The following RYR2 variants were observed in gnomAD, a reference collection of about 807,000 sequenced individuals.
The protein encoded by RYR2 is cardiac muscle ryanodine receptor-calcium release channel.
RYR2 carries 227 observed loss-of-function variants against 601.1 expected under a neutral mutation model. The observed-to-expected ratio is 0.38, with a 90% confidence interval of 0.34 to 0.42. The LOEUF (loss-of-function observed/expected upper bound fraction) is 0.42. Ranked by LOEUF, RYR2 falls within the 10% of genes least tolerant of loss-of-function variation. The probability of loss-of-function intolerance (pLI) is 1.00; values close to 1 mark genes in which losing one functional copy is unlikely to be tolerated. For missense variants in RYR2, 4,646 were observed against 6,156.5 expected (o/e 0.75, Z 8.21); for synonymous variants, 2,223 against 2,175.1 (o/e 1.02, Z -0.61).
Position 237,541,003 on chromosome 1 carries a change from AT to A in RYR2, c.2907-7427del, listed in dbSNP as rs143603924. The stretch of plus-strand genomic sequence containing the variant: ...TATTAGATACTGAATGTGTACCCGT[AT>A]GTATACTGTTTACATAGACACAAGC... On this transcript the variant is annotated intron_variant, in intron 25 of 104. Coordinates refer to ENST00000366574, the MANE Select transcript of RYR2 (RefSeq NM_001035.3). Among the ~76,000 whole-genome samples, 657 of 152,298 alleles carry A rather than the reference AT, an allele frequency of 4.3e-3. 5 individuals carry two copies. Among genetic ancestry groups the A allele is most frequent in the African/African-American group, 0.015 (614 of 41,568 alleles).
rs779790195 is a variant in RYR2 at position 237,417,169 on chromosome 1, A to G, written c.848+46A>G. On this transcript the variant is annotated intron_variant, in intron 11 of 104. Transcript: ENST00000366574. Reference sequence around the variant, plus strand: ...CAGCCTAATGCACCAAGTGTACCAAATAGCTCAGCGTTGTGCTTCTGTGTC... The same window carrying G: ...CAGCCTAATGCACCAAGTGTACCAAGTAGCTCAGCGTTGTGCTTCTGTGTC... 5 of 1,444,528 alleles carry G rather than the reference A, an allele frequency of 3.5e-6. No homozygotes were observed. The East Asian group carries it at 1.1e-4, about 33-fold the overall frequency. 89.5% of individuals were successfully genotyped at this position (1,444,528 alleles called of 1,614,324 possible).
chr1:237,681,593 G>A lies in RYR2; in HGVS notation c.9017+1016G>A, dbSNP rs185568223. Among the ~76,000 whole-genome samples the A allele has an allele frequency of 1.3e-3, 192 of 152,286 alleles. 1 individual carries two copies. Among genetic ancestry groups the A allele is most frequent in the African/African-American group, 4.3e-3 (178 of 41,556 alleles). ...CAAATGATAATTTTCCTATAAAATTGATTATAGTTAAAATAACAGCAGGAA... is the reference window on the plus strand; with the variant it reads ...CAAATGATAATTTTCCTATAAAATTAATTATAGTTAAAATAACAGCAGGAA... On this transcript the variant is annotated intron_variant, in intron 62 of 104. Transcript: ENST00000366574.
intron 24 of RYR2, among the ~76,000 whole-genome samples, chr1:237,518,120 C>T (rs550598056): frequency 6.6e-6 from 1 of 152,084 alleles, no homozygotes; most frequent in Non-Finnish European, 1.5e-5. Flanking sequence ...TTACTATCAC[C>T]ACATCATCAA....
chr1:237,799,097 A>ACTT (rs763548604), intron 97 of RYR2, among the ~76,000 whole-genome samples: 1 of 152,184 alleles, frequency 6.6e-6, no homozygotes, highest in African/African-American at 2.4e-5. Context: ...CTATCTGAAA[A>ACTT]CTTATTAAGG....
Position 237,569,172 on chromosome 1 carries a change from C to T in RYR2, c.3451C>T (p.His1151Tyr), listed in dbSNP as rs1295668825. Residue 1151 changes from histidine (H) to tyrosine (Y), a missense_variant, in exon 29 of 105, where the codon CAC becomes TAC. Around this residue, in one of 17 missense-constraint regions of RYR2, gnomAD observed 1,807 missense variants for 2,088.1 expected, o/e 0.87. Transcript: ENST00000366574. ...CCAGCGGTGGCATCAGGGCAATGAA[C>T]ACTATGGGCGCTCTTGGCAAGCAGG... ...KAQRWHQGNEHYGRSWQAGDV... is the reference protein window; with the variant it reads ...KAQRWHQGNEYYGRSWQAGDV... 1 of 1,613,672 alleles carries T rather than the reference C, an allele frequency of 6.2e-7. No individual in the cohort carries two copies. The highest frequency in any genetic ancestry group is 2.2e-5 in the East Asian group (1 of 44,866).
At position 237,456,752 on chromosome 1, in the gene RYR2, G is replaced by T. The variant is rs772085271; in HGVS notation, c.1612+17G>T. On this transcript the variant is annotated intron_variant, in intron 16 of 104. Coordinates refer to ENST00000366574, the MANE Select transcript of RYR2 (RefSeq NM_001035.3). ...AGTTGCTGGGTAAGAAGCATGATTG[G>T]GTTCATAGCAACAGAGTTATCTATT... The T allele has an allele frequency of 3.7e-6, 6 of 1,612,342 alleles. No individual in the cohort carries two copies. Among genetic ancestry groups the T allele is most frequent in the Non-Finnish European group, 4.2e-6 (5 of 1,179,072 alleles).
chr1:237,341,585 G>A (rs945576626), intron 3 of RYR2: 2 of 502,904 alleles, frequency 4.0e-6, no homozygotes, highest in Non-Finnish European at 4.0e-6. Flanking sequence ...AGGTCTTTGG[G>A]TCTGTGGTAT....
intron 2 of RYR2, among the ~76,000 whole-genome samples, chr1:237,295,218 T>C (rs1472694795): frequency 1.3e-5 from 2 of 151,604 alleles, no homozygotes; most frequent in Non-Finnish European, 2.9e-5. Context: ...AGAAAGACCC[T>C]GTCTCCAAAA....
chr1:237,281,545 C>T (rs971181146), intron 2 of RYR2, among the ~76,000 whole-genome samples: 3 of 152,228 alleles, frequency 2.0e-5, no homozygotes, highest in Non-Finnish European at 4.4e-5. Flanking sequence ...AAAAGATTGG[C>T]AGATATTTTA....
At chr1:237,308,542 T>C (rs1421719185) in intron 2 of RYR2, among the ~76,000 whole-genome samples, 1 of 152,066 alleles carries the variant, frequency 6.6e-6, no homozygotes, top group African/African-American at 2.4e-5. Context: ...CCGCGGACCC[T>C]TGCGGTGAGT....
At chr1:237,831,698 G>A (rs543009633) in intron 104 of RYR2, 133 bp downstream of exon 104, 7 of 609,024 alleles carry the variant, frequency 1.1e-5, no homozygotes, top group African/African-American at 9.6e-5. Context: ...TTGATGTAAA[G>A]TTCCTGTTAT....
chr1:237,709,147 T>C, intron 69 of RYR2, 49 bp downstream of exon 69: 2 of 1,488,552 alleles, frequency 1.3e-6, no homozygotes, highest in Non-Finnish European at 1.8e-6. Flanking sequence ...TCATAACGTT[T>C]CTTGGCTCAC....
chr1:237,717,244 A>C lies in RYR2; in HGVS notation c.10370A>C (p.Asp3457Ala), dbSNP rs544496844. The change falls in exon 72 of 105, where the codon GAT becomes GCT. Residue 3457 changes from aspartate to alanine, a missense_variant. By Grantham distance (126) the Asp-to-Ala change is moderately radical. Transcript: ENST00000366574. ...AGGAAGAAAATGAAGCGCAAAGGAGATCGGTATTCCATGCAGACCTCTCTG... is the reference window on the plus strand; with the variant it reads ...AGGAAGAAAATGAAGCGCAAAGGAGCTCGGTATTCCATGCAGACCTCTCTG... Reference protein sequence around the residue: ...QERKKMKRKGDRYSMQTSLIV... With the variant: ...QERKKMKRKGARYSMQTSLIV... 21 of 1,613,588 alleles carry C rather than the reference A, an allele frequency of 1.3e-5. No homozygotes were observed. Among genetic ancestry groups the C allele is most frequent in the Non-Finnish European group, 1.8e-5 (21 of 1,179,758 alleles).
intron 30 of RYR2, 111 bp from the exon 31 acceptor site, chr1:237,590,529 T>C: frequency 1.3e-6 from 1 of 759,068 alleles, no homozygotes; most frequent in Non-Finnish European, 2.1e-6. Context: ...AATGATGCCA[T>C]GTGTGGACCG....
chr1:237,485,146 G>A (rs1225944042), intron 17 of RYR2, among the ~76,000 whole-genome samples: 1 of 152,074 alleles, frequency 6.6e-6, no homozygotes, highest in African/African-American at 2.4e-5. Flanking sequence ...TGTGTCCTCT[G>A]TCTTTTCTAC....
At chr1:237,170,197 AATC>A (rs1677200263) in intron 1 of RYR2, among the ~76,000 whole-genome samples, 2 of 152,356 alleles carry the variant, frequency 1.3e-5, no homozygotes, top group African/African-American at 4.8e-5. Context: ...AAGGTGGGTT[AATC>A]CAGTTCTCCT....
At chr1:237,315,187 C>A (rs1694986887) in intron 2 of RYR2, among the ~76,000 whole-genome samples, 1 of 152,092 alleles carries the variant, frequency 6.6e-6, no homozygotes, top group African/African-American at 2.4e-5. Context: ...TCTAAGCCAT[C>A]CCTTAACTCC....
chr1:237,720,931 G>A (rs576352451), intron 73 of RYR2, among the ~76,000 whole-genome samples: 40 of 152,278 alleles, frequency 2.6e-4, no homozygotes, highest in Admixed American at 5.9e-4. Context: ...AGCAAAAAAG[G>A]AAACATTGAT....
At chr1:237,593,922 G>GCCTT (rs1200480922) in intron 33 of RYR2, among the ~76,000 whole-genome samples, 3 of 152,130 alleles carry the variant, frequency 2.0e-5, no homozygotes, top group Non-Finnish European at 4.4e-5. Context: ...CCAATACTTA[G>GCCTT]CCTTTGTTTT....
Sources: allele counts gnomAD v4.1 joint callset (sites outside exome capture counted in the v4.1 genomes callset), GRCh38; gene constraint gnomAD v4.1.1; regional missense constraint gnomAD v4.1.1; transcripts MANE v1.5; gene names NCBI Gene and HGNC (gene_info 2026-07-23, HGNC 2026-07-21).